The following FMNL3 variants were observed in gnomAD, a reference collection of about 807,000 sequenced individuals.
FMNL3 encodes the protein formin like 3.
Under a neutral mutation model 119.6 loss-of-function variants are expected in FMNL3, and 57 were observed. The observed-to-expected ratio is 0.48, with a 90% confidence interval of 0.39 to 0.59. The LOEUF is 0.59. Ranked by LOEUF, FMNL3 falls within the 20% of genes least tolerant of loss-of-function variation. The pLI is 0.00. For missense variants in FMNL3, 1,053 were observed against 1,323.5 expected, an observed-to-expected ratio of 0.80 and a Z score of 3.17; for synonymous variants, 491 against 507.3, an observed-to-expected ratio of 0.97 and a Z score of 0.43.
At chr12:49,657,734 A>G (rs1943613313) in intron 6 of FMNL3, among the ~76,000 whole-genome samples, 2 of 152,230 alleles carry the variant, frequency 1.3e-5, no homozygotes, top group Admixed American at 6.5e-5. Flanking sequence ...GTATCTGCTC[A>G]TCCATGACAA....
chr12:49,655,027 A>C (rs1453181503), intron 9 of FMNL3, 43 bp from the exon 10 acceptor site: 1 of 1,591,696 alleles, frequency 6.3e-7, no homozygotes, highest in Admixed American at 1.7e-5. Flanking sequence ...TGCTCCATGC[A>C]GAACCCAAGC....
chr12:49,643,201 A>C lies in FMNL3; in HGVS notation c.*2614T>G, dbSNP rs369382252. The C allele has an allele frequency of 1.2e-6, 2 of 1,613,366 alleles. No homozygotes were observed. Among genetic ancestry groups the C allele is most frequent in the African/African-American group, 2.7e-5 (2 of 74,892 alleles). On this transcript the variant is annotated 3_prime_UTR_variant, in exon 26 of 26. Transcript: ENST00000335154. ...GAGGGCAGAGAACCTCTGCACTGAC[A>C]TGTATCTGCTGATCTGCCCAGGGCT...
chr12:49,662,241 G>A (rs1321488707), intron 4 of FMNL3, among the ~76,000 whole-genome samples, 192 bp from the exon 5 acceptor site: 3 of 152,180 alleles, frequency 2.0e-5, no homozygotes, highest in Non-Finnish European at 2.9e-5. Context: ...GTCAGGGATG[G>A]GGAAAGTTCA....
intron 1 of FMNL3, among the ~76,000 whole-genome samples, chr12:49,691,641 G>A (rs921871878): frequency 6.6e-6 from 1 of 152,184 alleles, no homozygotes; most frequent in Non-Finnish European, 1.5e-5. Flanking sequence ...ACAGGGCAGT[G>A]GCCAGTTGCT....
chr12:49,699,216 A>G (rs764469108), intron 1 of FMNL3, among the ~76,000 whole-genome samples: 1 of 152,180 alleles, frequency 6.6e-6, no homozygotes, highest in Non-Finnish European at 1.5e-5. Context: ...TCAGGCAGCC[A>G]ACACTGCTGT....
intron 1 of FMNL3, among the ~76,000 whole-genome samples, chr12:49,672,378 G>C (rs1565883618): frequency 6.6e-6 from 1 of 152,216 alleles, no homozygotes; most frequent in Non-Finnish European, 1.5e-5. Flanking sequence ...GTGAGGAAAA[G>C]GGGAAGATGA....
intron 17 of FMNL3, among the ~76,000 whole-genome samples, 193 bp from the exon 18 acceptor site, chr12:49,650,118 A>G (rs1021786368): frequency 4.6e-5 from 7 of 152,106 alleles, no homozygotes; most frequent in Non-Finnish European, 1.5e-5. Context: ...CTCCTGTTTA[A>G]TAAGCCCTTT....
At chr12:49,687,381 C>T (rs1195843680) in intron 1 of FMNL3, among the ~76,000 whole-genome samples, 50 of 152,022 alleles carry the variant, frequency 3.3e-4, no homozygotes, top group Non-Finnish European at 1.5e-5. Context: ...CATGAGCCAC[C>T]GCGCCTGGCC....
At position 49,651,943 on chromosome 12, in the gene FMNL3, G is replaced by A. The variant is rs762962140; in HGVS notation, c.1593C>T (p.Pro531=). Residue 531 remains proline, a synonymous_variant, in exon 14 of 26, where the codon CCC becomes CCT. Coordinates refer to ENST00000335154, the MANE Select transcript of FMNL3 (RefSeq NM_175736.5). ...GGTCGTCGTGGTTACCTGGTAATGGGGGAGGTGGAGGGGGCAAGGGCGGAG... is the reference window on the plus strand; with the variant it reads ...GGTCGTCGTGGTTACCTGGTAATGGAGGAGGTGGAGGGGGCAAGGGCGGAG... ...PPAPPLPPPP[P]PLPDKCPPAP... is the part of the protein sequence containing the mutation. The A allele has an allele frequency of 2.5e-6, 4 of 1,591,956 alleles. No individual in the cohort carries two copies. In the African/African-American group the frequency reaches 4.0e-5, roughly 16 times the overall value.
chr12:49,649,224 AG>A lies in FMNL3; in HGVS notation c.2385+34del. ...TCTGGCTCCACAACTGCTGCCCCCCAGGCTTCCTGGCCCACGCTGCCCTCAC... is the reference window on the plus strand; with the variant it reads ...TCTGGCTCCACAACTGCTGCCCCCCAGCTTCCTGGCCCACGCTGCCCTCAC... On this transcript the variant is annotated intron_variant, in intron 20 of 25. Transcript: ENST00000335154. The surrounding 1 kb of genome is among the most constrained non-coding windows in gnomAD (Gnocchi z 5.6). The A allele has an allele frequency of 6.2e-7, 1 of 1,613,800 alleles. No individual in the cohort carries two copies. Among genetic ancestry groups the A allele is most frequent in the Non-Finnish European group, 8.5e-7 (1 of 1,179,822 alleles).
At chr12:49,695,454 T>A (rs1944725580) in intron 1 of FMNL3, among the ~76,000 whole-genome samples, 1 of 152,204 alleles carries the variant, frequency 6.6e-6, no homozygotes, top group Non-Finnish European at 1.5e-5. Context: ...ACATTTAAGC[T>A]GAGACCATCC....
chr12:49,639,436 G>A lies in FMNL3; in HGVS notation c.*6379C>T, dbSNP rs1942297432. Reference sequence around the variant, plus strand: ...GGGAGAAAAGTCAGTAGGCTGTGCAGGAATCTTGTAGGAGGTGATCCTAGC... The same window carrying A: ...GGGAGAAAAGTCAGTAGGCTGTGCAAGAATCTTGTAGGAGGTGATCCTAGC... On this transcript the variant is annotated 3_prime_UTR_variant, in exon 26 of 26. Coordinates refer to ENST00000335154, the MANE Select transcript of FMNL3 (RefSeq NM_175736.5). The A allele has an allele frequency of 6.6e-6, 1 of 152,346 alleles. No homozygotes were observed. Among genetic ancestry groups the A allele is most frequent in the Non-Finnish European group, 1.5e-5 (1 of 68,080 alleles). The allele number at this position is 152,346 out of a possible 1,614,324, so 9.4% of individuals were successfully genotyped here.
intron 1 of FMNL3, among the ~76,000 whole-genome samples, chr12:49,704,087 G>A (rs1054765580): frequency 6.6e-6 from 1 of 152,310 alleles, no homozygotes; most frequent in Middle Eastern, 3.4e-3. Context: ...ACTCTGCTAA[G>A]TATTTGACTT....
intron 1 of FMNL3, among the ~76,000 whole-genome samples, chr12:49,691,486 C>CA (rs1339515032): frequency 1.3e-5 from 2 of 152,152 alleles, no homozygotes; most frequent in African/African-American, 4.8e-5. Context: ...CTGGAAATGA[C>CA]AGAGACTAAA....
intron 1 of FMNL3, among the ~76,000 whole-genome samples, chr12:49,678,855 T>G (rs1281395791): frequency 6.6e-6 from 1 of 152,296 alleles, no homozygotes; most frequent in East Asian, 1.9e-4. Context: ...AGACAGTATT[T>G]GCAAATACTG....
chr12:49,697,666 C>T (rs915197383), intron 1 of FMNL3, among the ~76,000 whole-genome samples: 7 of 152,026 alleles, frequency 4.6e-5, no homozygotes, highest in South Asian at 2.1e-4. Context: ...AATTCTGAGA[C>T]GAGATAAAGT....
chr12:49,661,784 T>C, intron 5 of FMNL3, 182 bp downstream of exon 5: 1 of 614,646 alleles, frequency 1.6e-6, no homozygotes, highest in Non-Finnish European at 2.9e-6. Flanking sequence ...CATTCTTCAC[T>C]GATCCCCAGA....
intron 1 of FMNL3, among the ~76,000 whole-genome samples, chr12:49,694,600 C>T (rs1452645170): frequency 2.6e-5 from 4 of 152,164 alleles, no homozygotes; most frequent in African/African-American, 7.2e-5. Flanking sequence ...CAAAATTTCA[C>T]CCAGATAATT....
At chr12:49,653,644 G>A in intron 12 of FMNL3, 81 bp downstream of exon 12, 1 of 1,578,540 alleles carries the variant, frequency 6.3e-7, no homozygotes, top group Admixed American at 1.7e-5. Context: ...TCAATCTGGA[G>A]GCAAATGGGT....
Sources: gnomAD v4.1 joint callset for allele counts (sites outside exome capture counted in the v4.1 genomes callset) on GRCh38, gnomAD v4.1.1 for gene constraint, Gnocchi (gnomAD v3.1) non-coding constraint, MANE v1.5 for transcripts, NCBI Gene and HGNC (gene_info 2026-07-23, HGNC 2026-07-21) for gene names.